FSTL5: variants seen among roughly 807,000 people sequenced by gnomAD.
The protein encoded by FSTL5 is follistatin-related protein 5.
Under a neutral mutation model 89.1 loss-of-function variants are expected in FSTL5, and 62 were observed. The observed-to-expected ratio is 0.70, with a 90% CI of 0.57 to 0.86. The LOEUF is 0.86. Ranked by LOEUF, FSTL5 falls within the 40% of genes least tolerant of loss-of-function variation. FSTL5 has a pLI of 0.00. For missense variants in FSTL5, 1,057 were observed against 1,001.6 expected, an observed-to-expected ratio of 1.06 and a Z score of -0.75; for synonymous variants, 383 against 346.2, an observed-to-expected ratio of 1.11 and a Z score of -1.18.
chr4:161,779,805 A>ATG (rs1741583722), intron 4 of FSTL5, among the ~76,000 whole-genome samples: 21 of 55,556 alleles, frequency 3.8e-4, no homozygotes, highest in Non-Finnish European at 5.1e-4. Flanking sequence ...ATATATATAT[A>ATG]TATATGTATA....
chr4:161,971,838 G>T (rs1735494428), intron 3 of FSTL5, among the ~76,000 whole-genome samples: 1 of 152,040 alleles, frequency 6.6e-6, no homozygotes, highest in Non-Finnish European at 1.5e-5. Context: ...CTTTTCTCCA[G>T]TTGATTGTAG....
intron 6 of FSTL5, among the ~76,000 whole-genome samples, chr4:161,755,560 T>G (rs929184941): frequency 1.3e-5 from 2 of 152,076 alleles, no homozygotes; most frequent in Non-Finnish European, 2.9e-5. Context: ...CCTTAGTTTA[T>G]CCCTCTGGAT....
At chr4:162,043,925 C>A (rs1032368309) in intron 2 of FSTL5, among the ~76,000 whole-genome samples, 4 of 152,116 alleles carry the variant, frequency 2.6e-5, no homozygotes, top group African/African-American at 9.7e-5. Flanking sequence ...AATTCTAGTT[C>A]TTTTGCTATT....
intron 4 of FSTL5, among the ~76,000 whole-genome samples, chr4:161,862,002 G>A (rs574166287): frequency 6.6e-6 from 1 of 152,124 alleles, no homozygotes; most frequent in African/African-American, 2.4e-5. Context: ...CCCTCTTTGG[G>A]AGAAACTGTA....
intron 8 of FSTL5, among the ~76,000 whole-genome samples, chr4:161,557,078 C>A (rs769563934): frequency 9.3e-5 from 14 of 151,208 alleles, no homozygotes; most frequent in Middle Eastern, 3.6e-3. Flanking sequence ...TTGATAAAGT[C>A]GTGTGGATAA....
intron 3 of FSTL5, among the ~76,000 whole-genome samples, chr4:161,982,480 A>C (rs1735851275): frequency 6.6e-6 from 1 of 152,242 alleles, no homozygotes; most frequent in African/African-American, 2.4e-5. Context: ...AGTTATGCTT[A>C]GAAATACAAA....
At chr4:161,732,955 CTT>C (rs1739667892) in intron 6 of FSTL5, among the ~76,000 whole-genome samples, 1 of 149,838 alleles carries the variant, frequency 6.7e-6, no homozygotes. Context: ...TTTAAAATAA[CTT>C]TGGTTATTTT....
rs549742841 is a variant in FSTL5, at chr4:161,769,939, T to C, written c.606+5939A>G. 2.2e-4 allele frequency among the ~76,000 whole-genome samples: 34 copies of C among 151,442 alleles called. 1 individual carries two copies. The highest frequency in any genetic ancestry group is 3.4e-3 in the Middle Eastern group (1 of 292). On this transcript the variant is annotated intron_variant, in intron 5 of 15. Transcript: ENST00000306100. Reference sequence around the variant, plus strand: ...ACTCCACCAAAAAAACTATTCACAATAGCCAAGATTTGGAAGCAACATAAG... The same window carrying C: ...ACTCCACCAAAAAAACTATTCACAACAGCCAAGATTTGGAAGCAACATAAG...
At chr4:162,148,155 AT>A (rs1273155332) in intron 1 of FSTL5, among the ~76,000 whole-genome samples, 1 of 152,208 alleles carries the variant, frequency 6.6e-6, no homozygotes, top group African/African-American at 2.4e-5. Flanking sequence ...GAAATTTGAT[AT>A]CTCCAACTAA....
chr4:161,677,995 TA>T (rs1180108844), intron 6 of FSTL5, among the ~76,000 whole-genome samples: 1 of 151,718 alleles, frequency 6.6e-6, no homozygotes, highest in Non-Finnish European at 1.5e-5. Flanking sequence ...ATGAATTAAT[TA>T]AAAATATTAA....
chr4:161,803,158 T>C (rs372362414), intron 4 of FSTL5, among the ~76,000 whole-genome samples: 24 of 152,076 alleles, frequency 1.6e-4, no homozygotes, highest in Admixed American at 2.6e-4. Context: ...ACTAACTCAG[T>C]GTGTATCACT....
At chr4:161,473,716 GCCA>G (rs1734029220) in intron 13 of FSTL5, among the ~76,000 whole-genome samples, 1 of 152,138 alleles carries the variant, frequency 6.6e-6, no homozygotes, top group Admixed American at 6.5e-5. Context: ...AGAAGTGTGA[GCCA>G]CCACACCAGG....
intron 7 of FSTL5, among the ~76,000 whole-genome samples, chr4:161,651,270 A>C (rs931816215): frequency 6.6e-6 from 1 of 151,842 alleles, no homozygotes; most frequent in African/African-American, 2.4e-5. Flanking sequence ...TAGAACAGGG[A>C]TTAATAAAAG....
intron 4 of FSTL5, among the ~76,000 whole-genome samples, chr4:161,888,594 C>T (rs984701759): frequency 5.9e-5 from 9 of 152,202 alleles, no homozygotes; most frequent in African/African-American, 2.2e-4. Flanking sequence ...ATTTCACTGA[C>T]ATTTTCATTA....
Position 161,630,249 on chromosome 4 carries a change from G to A in FSTL5, c.894+26079C>T, listed in dbSNP as rs77867910. Among the ~76,000 whole-genome samples the A allele has an allele frequency of 0.012, 1,782 of 152,250 alleles. 94 individuals carry two copies. In the East Asian group the frequency reaches 0.13, roughly 11 times the overall value. On this transcript the variant is annotated intron_variant, in intron 7 of 15. Transcript: ENST00000306100. ...TTACCCTTTACTGGTGCTGTTTCAC[G>A]TGGGAAAATGAACAGTGCGGTGAGT...
intron 3 of FSTL5, among the ~76,000 whole-genome samples, chr4:161,985,282 G>A (rs1226428528): frequency 6.6e-6 from 1 of 151,886 alleles, no homozygotes; most frequent in African/African-American, 2.4e-5. Context: ...TCACTATTGA[G>A]GACATTAACA....
intron 3 of FSTL5, among the ~76,000 whole-genome samples, chr4:161,938,617 T>C (rs1184087331): frequency 6.6e-6 from 1 of 152,042 alleles, no homozygotes; most frequent in Non-Finnish European, 1.5e-5. Context: ...GTGGTTGGAA[T>C]AGTAAAATTT....
intron 2 of FSTL5, among the ~76,000 whole-genome samples, chr4:162,054,319 A>G (rs559406659): frequency 2.8e-4 from 42 of 151,956 alleles, no homozygotes; most frequent in African/African-American, 9.6e-4. Flanking sequence ...AGAATCCTGC[A>G]GAAAACACTT....
intron 4 of FSTL5, among the ~76,000 whole-genome samples, chr4:161,877,419 T>C (rs1468617419): frequency 2.8e-5 from 1 of 35,922 alleles, no homozygotes; most frequent in African/African-American, 4.5e-5. Flanking sequence ...ATTTTACAGA[T>C]AAAATAGAAA....
Sources: allele counts gnomAD v4.1 joint callset (sites outside exome capture counted in the v4.1 genomes callset), GRCh38; gene constraint gnomAD v4.1.1; transcripts MANE v1.5; gene names NCBI Gene and HGNC (gene_info 2026-07-23, HGNC 2026-07-21).